Variants in ZBTB8A observed in about 807,000 individuals in gnomAD.
The protein encoded by ZBTB8A is zinc finger and BTB domain containing 8A.
ZBTB8A carries 19 observed loss-of-function variants against 37.8 expected under a neutral mutation model. That is an observed-to-expected ratio of 0.50 (90% CI 0.35 to 0.74). ZBTB8A has a LOEUF of 0.74. ZBTB8A is among the 30% of genes least tolerant of loss of function. The probability of loss-of-function intolerance (pLI) is 0.01; values close to 1 mark genes in which losing one functional copy is unlikely to be tolerated. For synonymous variants in ZBTB8A, 181 were observed against 185.2 expected (o/e 0.98, Z 0.19); for missense variants, 394 against 537.8 (o/e 0.73, Z 2.65).
chr1:32,582,136 G>C (rs943046364), intron 2 of ZBTB8A, among the ~76,000 whole-genome samples: 42 of 152,154 alleles, frequency 2.8e-4, no homozygotes, highest in African/African-American at 9.9e-4. Context: ...GCTAGTACAG[G>C]TTGAGTATCC....
At position 32,556,769 on chromosome 1, in the gene ZBTB8A, C is replaced by T. The variant is rs547465704; in HGVS notation, c.-2+3229C>T. On this transcript the variant is annotated intron_variant, in intron 2 of 4. Coordinates refer to ENST00000373510, the MANE Select transcript of ZBTB8A (RefSeq NM_001040441.3). ...GCGGGCACCTCTAGTCCCAGCTACT[C>T]GGGAGGCTGAGGCAGAAGAATCATT... Among the ~76,000 whole-genome samples the T allele has an allele frequency of 7.3e-5, 11 of 151,340 alleles. No homozygotes were observed. In the East Asian group the frequency reaches 9.9e-4, roughly 14 times the overall value.
At position 32,595,233 on chromosome 1, in the gene ZBTB8A, AT is replaced by A. The variant is rs11327743; in HGVS notation, c.993+18del. Reference sequence around the variant, plus strand: ...TAGCCATTTTCGAACAGTATGTATGATTTTTTTTCATCGTTTTACTAATTCT... The same window carrying A: ...TAGCCATTTTCGAACAGTATGTATGATTTTTTTCATCGTTTTACTAATTCT... On this transcript the variant is annotated intron_variant, in intron 4 of 4. Transcript: ENST00000373510. 0.11 allele frequency: 168,222 copies of A among 1,595,884 alleles called. 9,568 individuals carry two copies. The highest frequency in any genetic ancestry group is 0.2 in the African/African-American group (14,615 of 73,688).
chr1:32,543,396 T>A (rs1316443944), intron 1 of ZBTB8A, among the ~76,000 whole-genome samples: 1 of 152,110 alleles, frequency 6.6e-6, no homozygotes, highest in Non-Finnish European at 1.5e-5. Context: ...GAGATATAAC[T>A]CTTACGCCAT....
chr1:32,592,085 C>G (rs1484332398), intron 2 of ZBTB8A, among the ~76,000 whole-genome samples: 1 of 152,134 alleles, frequency 6.6e-6, no homozygotes, highest in Non-Finnish European at 1.5e-5. Flanking sequence ...TTGTGATCTG[C>G]CCGCCTTGGC....
At chr1:32,594,888 G>A (rs908566971) in intron 3 of ZBTB8A, among the ~76,000 whole-genome samples, 166 bp from the exon 4 acceptor site, 5 of 151,240 alleles carry the variant, frequency 3.3e-5, no homozygotes, top group African/African-American at 9.7e-5. Context: ...AATTTCTTTC[G>A]TCTCTTACTT....
chr1:32,541,118 A>T (rs899803799), intron 1 of ZBTB8A, among the ~76,000 whole-genome samples: 7 of 152,240 alleles, frequency 4.6e-5, no homozygotes, highest in African/African-American at 1.4e-4. Context: ...TGACACAATG[A>T]TATGTTAATC....
intron 2 of ZBTB8A, among the ~76,000 whole-genome samples, chr1:32,558,608 G>A (rs558585008): frequency 6.6e-6 from 1 of 152,274 alleles, no homozygotes; most frequent in Non-Finnish European, 1.5e-5. Flanking sequence ...TAGTCTCCAA[G>A]TCTGAAGGAT....
At chr1:32,573,192 T>G (rs1644335065) in intron 2 of ZBTB8A, among the ~76,000 whole-genome samples, 1 of 149,080 alleles carries the variant, frequency 6.7e-6, no homozygotes, top group Non-Finnish European at 1.5e-5. Flanking sequence ...TGCCTCAGCC[T>G]CCTGAGTAGC....
At chr1:32,545,765 C>T (rs776308704) in intron 1 of ZBTB8A, among the ~76,000 whole-genome samples, 3 of 152,198 alleles carry the variant, frequency 2.0e-5, no homozygotes, top group Admixed American at 2.0e-4. Context: ...CTGGCTAGAA[C>T]GCCTTTTGCC....
chr1:32,593,415 C>G lies in ZBTB8A; in HGVS notation c.484C>G (p.Pro162Ala). 2 of 1,613,998 alleles carry G rather than the reference C, an allele frequency of 1.2e-6. No homozygotes were observed. The highest frequency in any genetic ancestry group is 1.7e-6 in the Non-Finnish European group (2 of 1,180,032). Residue 162 changes from proline to alanine, a missense_variant, in exon 3 of 5, where the codon CCA becomes GCA. Around this residue, in one of 4 missense-constraint regions of ZBTB8A, gnomAD observed 171 missense variants for 186.8 expected, o/e 0.92. Coordinates refer to ENST00000373510, the MANE Select transcript of ZBTB8A (RefSeq NM_001040441.3). ...TGGCTGGCAAGAAGGAAGCAGTTCT[C>G]CACGTTCTCACCTAAGCCCAGAGCA... ...SGGWQEGSSS[P>A]RSHLSPEQGT...
At chr1:32,583,888 G>T (rs1644425834) in intron 2 of ZBTB8A, among the ~76,000 whole-genome samples, 1 of 152,050 alleles carries the variant, frequency 6.6e-6, no homozygotes, top group Non-Finnish European at 1.5e-5. Context: ...GAATTACAGA[G>T]GCCCGCCACC....
In ZBTB8A at chr1:32,605,273, A is replaced by G. The variant is rs1261946310; in HGVS notation, c.*4854A>G. 3 of 151,934 alleles carry G rather than the reference A, an allele frequency of 2.0e-5. No homozygotes were observed. Among genetic ancestry groups the G allele is most frequent in the Non-Finnish European group, 2.9e-5 (2 of 67,980 alleles). The allele number at this position is 151,934 out of a possible 1,614,324, so 9.4% of individuals were successfully genotyped here. ...AAGTTTTGTTATTTTATATAAGTGT[A>G]TCAGTATTACTATTTATCATTTATA... On this transcript the variant is annotated 3_prime_UTR_variant, in exon 5 of 5. Coordinates refer to ENST00000373510, the MANE Select transcript of ZBTB8A (RefSeq NM_001040441.3).
At chr1:32,594,926 C>T in intron 3 of ZBTB8A, 128 bp from the exon 4 acceptor site, 1 of 1,037,584 alleles carries the variant, frequency 9.6e-7, no homozygotes, top group Non-Finnish European at 1.3e-6. Context: ...CTTGTGAATT[C>T]TTTTTATTTC....
At chr1:32,561,946 T>A (rs943374629) in intron 2 of ZBTB8A, among the ~76,000 whole-genome samples, 1 of 152,048 alleles carries the variant, frequency 6.6e-6, no homozygotes, top group African/African-American at 2.4e-5. Flanking sequence ...CATACTTTTT[T>A]ATTTTTTATT....
chr1:32,572,535 A>G (rs1338585081), intron 2 of ZBTB8A, among the ~76,000 whole-genome samples: 1 of 151,992 alleles, frequency 6.6e-6, no homozygotes, highest in African/African-American at 2.4e-5. Context: ...AGCTAGGAAT[A>G]TAGGCACACA....
chr1:32,556,772 G>A (rs1644206190), intron 2 of ZBTB8A, among the ~76,000 whole-genome samples: 1 of 151,958 alleles, frequency 6.6e-6, no homozygotes, highest in African/African-American at 2.4e-5. Flanking sequence ...AGCTACTCGG[G>A]AGGCTGAGGC....
chr1:32,567,055 A>T (rs1278602987), intron 2 of ZBTB8A, among the ~76,000 whole-genome samples: 1 of 152,168 alleles, frequency 6.6e-6, no homozygotes, highest in Non-Finnish European at 1.5e-5. Flanking sequence ...ACTCCCTAAG[A>T]CTGTGTAATT....
At chr1:32,590,421 C>G (rs1644479837) in intron 2 of ZBTB8A, among the ~76,000 whole-genome samples, 1 of 152,030 alleles carries the variant, frequency 6.6e-6, no homozygotes, top group Non-Finnish European at 1.5e-5. Context: ...TTTTTAGTCC[C>G]TTTTCACTAA....
In ZBTB8A at chr1:32,574,984, A is replaced by C. The variant is rs568257105; in HGVS notation, c.-1-17947A>C. On this transcript the variant is annotated intron_variant, in intron 2 of 4. Coordinates refer to ENST00000373510, the MANE Select transcript of ZBTB8A (RefSeq NM_001040441.3). The stretch of plus-strand genomic sequence containing the variant: ...AGATGGGTGTCTCTCTGTGTTGCCC[A>C]GGCTGGTCTTGAACTGCTGCCCCCA... Among the ~76,000 whole-genome samples, 13 of 152,210 alleles carry C rather than the reference A, an allele frequency of 8.5e-5. No individual in the cohort carries two copies. In the South Asian group the frequency reaches 2.7e-3, roughly 32 times the overall value.
Sources: allele counts gnomAD v4.1 joint callset (sites outside exome capture counted in the v4.1 genomes callset), GRCh38; gene constraint gnomAD v4.1.1; regional missense constraint gnomAD v4.1.1; transcripts MANE v1.5; gene names NCBI Gene and HGNC (gene_info 2026-07-23, HGNC 2026-07-21).